Variants in PRND observed in about 807,000 individuals in gnomAD.
The protein encoded by PRND is prion-like protein doppel.
For synonymous variants in PRND, 94 were observed against 93.2 expected, an observed-to-expected ratio of 1.01 and a Z score of -0.05; for missense variants, 227 against 223.3, an observed-to-expected ratio of 1.02 and a Z score of -0.11.
At chr20:4,723,875 T>A (rs1038230814) in intron 1 of PRND, among the ~76,000 whole-genome samples, 1 of 151,724 alleles carries the variant, frequency 6.6e-6, no homozygotes, top group Non-Finnish European at 1.5e-5. Context: ...AGGGCTGCAA[T>A]GAGCTATGAT....
Position 4,727,793 on chromosome 20 carries a change from C to CTTGTTTTTTTTTTTT in PRND, c.*2713_*2714insGTTTTTTTTTTTTTT, listed in dbSNP as rs1923319897. 2 of 142,556 alleles carry CTTGTTTTTTTTTTTT rather than the reference C, an allele frequency of 1.4e-5. 1 individual carries two copies. The highest frequency in any genetic ancestry group is 3.2e-5 in the Non-Finnish European group (2 of 62,622). 8.8% of individuals were successfully genotyped at this position (142,556 alleles called of 1,614,324 possible). A position where few individuals can be genotyped will look rare whatever the true frequency, so the allele number is the denominator to read the frequency against. ...AATGCTTTCTACTCATTTTTCTATACTTTTTTTTTTGAGGCAGAGTCTCAT... is the reference window on the plus strand; with the variant it reads ...AATGCTTTCTACTCATTTTTCTATACTTGTTTTTTTTTTTTTTTTTTTTTTGAGGCAGAGTCTCAT... On this transcript the variant is annotated 3_prime_UTR_variant, in exon 2 of 2. Coordinates refer to ENST00000305817, the MANE Select transcript of PRND (RefSeq NM_012409.4).
chr20:4,728,040 G>C lies in PRND; in HGVS notation c.*2958G>C, dbSNP rs150640998. The C allele has an allele frequency of 6.0e-6, 1 of 165,328 alleles. No individual in the cohort carries two copies. Among genetic ancestry groups the C allele is most frequent in the Non-Finnish European group, 1.5e-5 (1 of 68,032 alleles). The allele number at this position is 165,328 out of a possible 1,614,324, so 10.2% of individuals were successfully genotyped here. ...TGACATCAGGTGATCCACCTGCCTC[G>C]GCCTCCCAAAGTGCTGGGATTACAG... is the stretch of plus-strand genomic sequence containing the variant. On this transcript the variant is annotated 3_prime_UTR_variant, in exon 2 of 2. Transcript: ENST00000305817.
chr20:4,726,785 C>T lies in PRND; in HGVS notation c.*1703C>T, dbSNP rs1418521173. On this transcript the variant is annotated 3_prime_UTR_variant, in exon 2 of 2. Transcript: ENST00000305817. ...TGAGGGCACCTCTTGTGCTGAGTCC[C>T]CTCAGCTATCAGTGTTCTTCTCAAG... is the stretch of plus-strand genomic sequence containing the variant. The T allele has an allele frequency of 6.0e-6, 1 of 167,096 alleles. No individual in the cohort carries two copies. The highest frequency in any genetic ancestry group is 1.5e-5 in the Non-Finnish European group (1 of 68,136). 10.4% of individuals were successfully genotyped at this position (167,096 alleles called of 1,614,324 possible).
rs747210588 is a variant in PRND at position 4,724,742 on chromosome 20, G to T, written c.191G>T (p.Arg64Leu). The change falls in exon 2 of 2, where the codon CGC becomes CTC. Residue 64 changes from arginine to leucine, a missense_variant. Physicochemically the swap from Arg to Leu is moderately radical, Grantham distance 102. Coordinates refer to ENST00000305817, the MANE Select transcript of PRND (RefSeq NM_012409.4). The surrounding 1 kb of genome is among the most constrained non-coding windows in gnomAD (Gnocchi z 4.8). The part of the protein sequence containing the change: ...NRPGAFIKQG[R>L]KLDIDFGAEG... ...CCGGGAGCCTTCATCAAGCAAGGCC[G>T]CAAGCTCGACATTGACTTCGGAGCC... is the stretch of plus-strand genomic sequence containing the variant. 6.2e-7 allele frequency: 1 copy of T among 1,614,228 alleles called. No individual in the cohort carries two copies. The highest frequency in any genetic ancestry group is 1.3e-5 in the African/African-American group (1 of 75,064).
rs113783588 is a variant in PRND at position 4,722,364 on chromosome 20, T to C, written c.-12+395T>C. Among the ~76,000 whole-genome samples the C allele has an allele frequency of 3.3e-5, 5 of 152,130 alleles. 1 individual carries two copies. Among genetic ancestry groups the C allele is most frequent in the East Asian group, 1.9e-4 (1 of 5,170 alleles). On this transcript the variant is annotated intron_variant, in intron 1 of 1. Transcript: ENST00000305817. ...GCCCTATTTAGGAGACTAATGAATA[T>C]TTGCTTCATGCTTGGATCTCTTTGG...
chr20:4,723,095 G>A (rs913711304), intron 1 of PRND, among the ~76,000 whole-genome samples: 2 of 152,148 alleles, frequency 1.3e-5, no homozygotes, highest in South Asian at 2.1e-4. Flanking sequence ...CAGCTCAGGG[G>A]GCATCATACC....
In PRND at chr20:4,728,445, A is replaced by G. The variant is rs935999066; in HGVS notation, c.*3363A>G. On this transcript the variant is annotated 3_prime_UTR_variant, in exon 2 of 2. Transcript: ENST00000305817. ...TTTTTTGCCACTGCAAACAATAAAC[A>G]TCCTTGTACATACTACATTGCAGTC... The G allele has an allele frequency of 6.0e-6, 1 of 167,074 alleles. No individual in the cohort carries two copies. The highest frequency in any genetic ancestry group is 2.4e-5 in the African/African-American group (1 of 41,470). The allele number at this position is 167,074 out of a possible 1,614,324, so 10.3% of individuals were successfully genotyped here.
rs1314192003 is a variant in PRND at position 4,724,867 on chromosome 20, A to G, written c.316A>G (p.Thr106Ala). 6.2e-7 allele frequency: 1 copy of G among 1,614,074 alleles called. No individual in the cohort carries two copies. Among genetic ancestry groups the G allele is most frequent in the Non-Finnish European group, 8.5e-7 (1 of 1,180,052 alleles). ...TAATGTGACCAAGGAGGCATTTGTC[A>G]CCGGCTGCATCAATGCCACCCAGGC... ...EANVTKEAFV[T>A]GCINATQAAN... The change falls in exon 2 of 2, where the codon ACC becomes GCC. Residue 106 changes from threonine to alanine, a missense_variant. By Grantham distance (58) the Thr-to-Ala change is moderately conservative. Transcript: ENST00000305817. The surrounding 1 kb of genome is among the most constrained non-coding windows in gnomAD (Gnocchi z 4.8).
In PRND at chr20:4,725,322, T is replaced by A; in HGVS notation, c.*240T>A. 1 of 548,046 alleles carries A rather than the reference T, an allele frequency of 1.8e-6. No homozygotes were observed. Among genetic ancestry groups the A allele is most frequent in the Non-Finnish European group, 3.3e-6 (1 of 300,828 alleles). The allele number at this position is 548,046 out of a possible 1,614,324, so 33.9% of individuals were successfully genotyped here. A position where few individuals can be genotyped will look rare whatever the true frequency, so the allele number is the denominator to read the frequency against. ...CTAGCAGAGCGTCTGGCACACTAGA[T>A]TAGTAGTAAATGCTTGATGAGAAGA... On this transcript the variant is annotated 3_prime_UTR_variant, in exon 2 of 2. Coordinates refer to ENST00000305817, the MANE Select transcript of PRND (RefSeq NM_012409.4).
At position 4,725,054 on chromosome 20, in the gene PRND, T is replaced by C. The variant is rs1368085899; in HGVS notation, c.503T>C (p.Leu168Pro). ...CACCAGCCAGTGCTCCTCTGCCTTC[T>C]GGCTTTGATCTGGCTCACGGTGAAA... ...TMHQPVLLCLLALIWLTVK is the reference protein window; with the variant it reads ...TMHQPVLLCLPALIWLTVK Residue 168 changes from leucine (L) to proline (P), a missense_variant, in exon 2 of 2, where the codon CTG becomes CCG. Coordinates refer to ENST00000305817, the MANE Select transcript of PRND (RefSeq NM_012409.4). 4 of 1,613,472 alleles carry C rather than the reference T, an allele frequency of 2.5e-6. No homozygotes were observed. In the South Asian group the frequency reaches 3.3e-5, roughly 13 times the overall value.
Position 4,724,810 on chromosome 20 carries a change from G to A in PRND, c.259G>A (p.Asp87Asn), listed in dbSNP as rs139530076. 9.3e-6 allele frequency: 15 copies of A among 1,614,192 alleles called. No homozygotes were observed. Among genetic ancestry groups the A allele is most frequent in the South Asian group, 1.1e-5 (1 of 91,074 alleles). The change falls in exon 2 of 2, where the codon GAT becomes AAT. Residue 87 changes from aspartate (D) to asparagine (N), a missense_variant. Physicochemically the swap from Asp to Asn is conservative, Grantham distance 23. Coordinates refer to ENST00000305817, the MANE Select transcript of PRND (RefSeq NM_012409.4). This position sits in a 1 kb window ranked among gnomAD's most constrained non-coding sequence, Gnocchi z 4.8. ...YYEANYWQFP[D>N]GIHYNGCSEA... The stretch of plus-strand genomic sequence containing the variant: ...CGAGGCCAACTACTGGCAGTTCCCC[G>A]ATGGCATCCACTACAACGGCTGCTC...
chr20:4,722,175 G>A (rs570469683), intron 1 of PRND, among the ~76,000 whole-genome samples: 1 of 152,192 alleles, frequency 6.6e-6, no homozygotes, highest in Admixed American at 6.5e-5. Context: ...TAGGGTTTGT[G>A]GGTTGGGATT....
intron 1 of PRND, among the ~76,000 whole-genome samples, chr20:4,722,956 G>A (rs1032994350): frequency 1.3e-5 from 2 of 152,220 alleles, no homozygotes; most frequent in African/African-American, 4.8e-5. Context: ...GACATCAGTG[G>A]CAGCCCTTCG....
intron 1 of PRND, among the ~76,000 whole-genome samples, chr20:4,722,750 C>T (rs1254105474): frequency 6.6e-6 from 1 of 152,170 alleles, no homozygotes; most frequent in Non-Finnish European, 1.5e-5. Flanking sequence ...CACAGTAAGT[C>T]TTTGCCTAGG....
Position 4,725,134 on chromosome 20 carries a change from A to G in PRND, c.*52A>G, listed in dbSNP as rs2122261908. ...GTGCAGCAGCGAGCAAATCCTGGCA[A>G]GTGACCCAGCTCTTCTCCCCCAAAC... On this transcript the variant is annotated 3_prime_UTR_variant, in exon 2 of 2. Transcript: ENST00000305817. 1 of 1,575,222 alleles carries G rather than the reference A, an allele frequency of 6.3e-7. No individual in the cohort carries two copies. The highest frequency in any genetic ancestry group is 1.8e-4 in the Middle Eastern group (1 of 5,610).
chr20:4,722,527 C>T (rs145482754), intron 1 of PRND, among the ~76,000 whole-genome samples: 277 of 151,380 alleles, frequency 1.8e-3, no homozygotes, highest in Non-Finnish European at 2.9e-3. Flanking sequence ...TCTTTGCAGG[C>T]TTCTAGAGAT....
At chr20:4,723,903 G>A (rs949615242) in intron 1 of PRND, among the ~76,000 whole-genome samples, 8 of 151,896 alleles carry the variant, frequency 5.3e-5, no homozygotes, top group Non-Finnish European at 1.0e-4. Flanking sequence ...CTGCACTCCA[G>A]CCTGGGCAAC....
chr20:4,721,990 G>A (rs1205332968), intron 1 of PRND, 21 bp downstream of exon 1: 2 of 152,300 alleles, frequency 1.3e-5, no homozygotes, highest in African/African-American at 2.4e-5. Context: ...GGCCACTTCT[G>A]TGGTCAGGAC....
In PRND at chr20:4,724,232, T is replaced by G. The variant is rs1267672143; in HGVS notation, c.-11-309T>G. Among the ~76,000 whole-genome samples, 1 of 152,068 alleles carries G rather than the reference T, an allele frequency of 6.6e-6. No individual in the cohort carries two copies. The highest frequency in any genetic ancestry group is 6.5e-5 in the Admixed American group (1 of 15,270). On this transcript the variant is annotated intron_variant, in intron 1 of 1. Transcript: ENST00000305817. This position sits in a 1 kb window ranked among gnomAD's most constrained non-coding sequence, Gnocchi z 4.8. The stretch of plus-strand genomic sequence containing the variant: ...TTGGGAGTATCAAAGAAAACCTACA[T>G]GTATTAAGTCACCACTCCTTTATTT...
Sources: gnomAD v4.1 joint callset for allele counts (sites outside exome capture counted in the v4.1 genomes callset) on GRCh38, gnomAD v4.1.1 for gene constraint, Gnocchi (gnomAD v3.1) non-coding constraint, MANE v1.5 for transcripts, NCBI Gene and HGNC (gene_info 2026-07-23, HGNC 2026-07-21) for gene names.